The following SLC60A2 variants were observed in gnomAD, a reference collection of about 807,000 sequenced individuals.
SLC60A2 encodes solute carrier family 60 member 2.
the SLC60A2 span, among the ~76,000 whole-genome samples, chr6:111,276,068 GT>G: frequency 6.6e-6 from 1 of 152,140 alleles, no homozygotes; most frequent in Non-Finnish European, 1.5e-5. Flanking sequence ...TTAACATAAT[GT>G]CTTCAAGGAT....
chr6:111,264,009 G>T, the SLC60A2 span: 1 of 823,702 alleles, frequency 1.2e-6, no homozygotes, highest in South Asian at 1.6e-5. Context: ...TACAGCAGAT[G>T]ATACTAAACT....
the SLC60A2 span, chr6:111,263,863 A>G: frequency 1.2e-6 from 2 of 1,610,676 alleles, no homozygotes; most frequent in African/African-American, 2.7e-5. Flanking sequence ...GTTGGTCTTT[A>G]TCTTGTTCCT....
At chr6:111,269,254 C>CAATG in the SLC60A2 span, 1 of 152,280 alleles carries the variant, frequency 6.6e-6, no homozygotes, top group Non-Finnish European at 1.5e-5. Context: ...GGCTGGAGTG[C>CAATG]AATGACGTGA....
the SLC60A2 span, chr6:111,265,824 ATAAG>A: frequency 5.4e-6 from 8 of 1,471,148 alleles, no homozygotes; most frequent in Admixed American, 2.3e-5. Flanking sequence ...TTTTTTTTTA[ATAAG>A]TAAGTAACTG....
At chr6:111,264,802 A>C in the SLC60A2 span, among the ~76,000 whole-genome samples, 1 of 151,140 alleles carries the variant, frequency 6.6e-6, no homozygotes, top group South Asian at 2.1e-4. Context: ...AAAAAAAAAA[A>C]ACCTACTAAA....
chr6:111,262,135 A>G, the SLC60A2 span: 2 of 725,820 alleles, frequency 2.8e-6, no homozygotes. Context: ...CTAATTCCCT[A>G]CATTACATTG....
chr6:111,271,944 G>C, the SLC60A2 span, among the ~76,000 whole-genome samples: 1 of 152,064 alleles, frequency 6.6e-6, no homozygotes, highest in South Asian at 2.1e-4. Flanking sequence ...CTTCAGCCTG[G>C]GTTACAAAGT....
the SLC60A2 span, chr6:111,259,636 A>AGGT: frequency 3.9e-6 from 6 of 1,519,754 alleles, no homozygotes; most frequent in African/African-American, 5.7e-5. Flanking sequence ...CCGGAGCCGG[A>AGGT]GGTGGTGGTG....
At chr6:111,263,933 C>T in the SLC60A2 span, 2 of 1,575,392 alleles carry the variant, frequency 1.3e-6, no homozygotes, top group Non-Finnish European at 1.7e-6. Context: ...TTTCAATTGG[C>T]ATTCTGGATA....
chr6:111,279,394 G>A, the SLC60A2 span, among the ~76,000 whole-genome samples: 233 of 151,924 alleles, frequency 1.5e-3, no homozygotes, highest in Admixed American at 5.2e-3. Context: ...GACTACAGGC[G>A]CCCACCACTG....
chr6:111,259,790 A>G, the SLC60A2 span: 1 of 1,496,120 alleles, frequency 6.7e-7, no homozygotes. Flanking sequence ...CGCCACTTGC[A>G]AACTGACCTT....
chr6:111,267,208 C>G, the SLC60A2 span: 1 of 1,321,532 alleles, frequency 7.6e-7, no homozygotes, highest in Non-Finnish European at 1.0e-6. Context: ...TTTCACCATG[C>G]TTTGGGGATT....
the SLC60A2 span, among the ~76,000 whole-genome samples, chr6:111,260,868 C>T: frequency 6.6e-6 from 1 of 152,234 alleles, no homozygotes; most frequent in South Asian, 2.1e-4. Flanking sequence ...AGGCTTCTCT[C>T]GAAGTACGAG....
At chr6:111,276,864 C>T in the SLC60A2 span, among the ~76,000 whole-genome samples, 1 of 152,080 alleles carries the variant, frequency 6.6e-6, no homozygotes, top group East Asian at 1.9e-4. Flanking sequence ...TATCTCTGGT[C>T]CAGATTCCAG....
the SLC60A2 span, chr6:111,270,734 A>T: frequency 6.6e-6 from 1 of 151,884 alleles, no homozygotes; most frequent in Non-Finnish European, 1.5e-5. Context: ...AGTCCCAGCT[A>T]CTCGGGAGGC....
chr6:111,265,800 C>T, the SLC60A2 span: 1 of 1,262,780 alleles, frequency 7.9e-7, no homozygotes, highest in Non-Finnish European at 1.1e-6. Flanking sequence ...CACCCCCTTT[C>T]TGATAAGTGA....
the SLC60A2 span, chr6:111,263,680 G>T: frequency 6.0e-6 from 3 of 499,630 alleles, no homozygotes; most frequent in Non-Finnish European, 1.1e-5. Context: ...AGATTCAAAT[G>T]AAATAATCAC....
At chr6:111,267,519 T>G in the SLC60A2 span, 1 of 160,732 alleles carries the variant, frequency 6.2e-6, no homozygotes, top group Non-Finnish European at 1.4e-5. Context: ...TTGAGGAGAA[T>G]AGTTTCATAA....
chr6:111,259,783 C>T, the SLC60A2 span: 1 of 1,512,436 alleles, frequency 6.6e-7, no homozygotes, highest in South Asian at 1.2e-5. Context: ...TTGCCTTCGC[C>T]ACTTGCAAAC....
Sources: gnomAD v4.1 joint callset for allele counts (sites outside exome capture counted in the v4.1 genomes callset) on GRCh38, gnomAD v4.1.1 for gene constraint, MANE v1.5 for transcripts, NCBI Gene and HGNC (gene_info 2026-07-23, HGNC 2026-07-21) for gene names.